Variants in SORL1 observed in about 807,000 individuals in gnomAD.
The protein encoded by SORL1 is sortilin-related receptor.
Under a neutral mutation model 273.7 loss-of-function variants are expected in SORL1, and 127 were observed. That is an observed-to-expected ratio of 0.46 (90% CI 0.40 to 0.54). SORL1 has a LOEUF of 0.54. SORL1 is among the 20% of genes least tolerant of loss of function. The pLI is 0.00. For missense variants in SORL1, 2,494 were observed against 2,846.1 expected (o/e 0.88, Z 2.81); for synonymous variants, 1,031 against 1,067.4 (o/e 0.97, Z 0.66).
chr11:121,499,729 C>G (rs1315670835), intron 6 of SORL1, among the ~76,000 whole-genome samples: 2 of 152,204 alleles, frequency 1.3e-5, no homozygotes, highest in African/African-American at 4.8e-5. Context: ...TTGAAACCTG[C>G]AAGTGTAACT....
chr11:121,464,330 C>G (rs777625672), intron 1 of SORL1, among the ~76,000 whole-genome samples: 1 of 152,192 alleles, frequency 6.6e-6, no homozygotes, highest in Non-Finnish European at 1.5e-5. Context: ...TTATTGGAAA[C>G]TTCTCATCAT....
Position 121,625,101 on chromosome 11 carries a change from T to A in SORL1, c.6188T>A (p.Met2063Lys). The stretch of plus-strand genomic sequence containing the variant: ...TGTTTTCAGGGCTATGAGATACACA[T>A]GTTTGATAGTGCCATGAATATCACA... ...FNESRGYEIH[M>K]FDSAMNITAY... is the part of the protein sequence containing the mutation. Residue 2063 changes from methionine (M) to lysine (K), a missense_variant, in exon 46 of 48, where the codon ATG becomes AAG. Coordinates refer to ENST00000260197, the MANE Select transcript of SORL1 (RefSeq NM_003105.6). 1 of 1,612,026 alleles carries A rather than the reference T, an allele frequency of 6.2e-7. No individual in the cohort carries two copies. Among genetic ancestry groups the A allele is most frequent in the Non-Finnish European group, 8.5e-7 (1 of 1,178,446 alleles).
At chr11:121,508,608 C>G (rs1047091626) in intron 6 of SORL1, among the ~76,000 whole-genome samples, 1 of 152,208 alleles carries the variant, frequency 6.6e-6, no homozygotes, top group African/African-American at 2.4e-5. Context: ...CCTATTCTGT[C>G]CTCTCCAGTG....
chr11:121,536,637 T>G (rs1429724974), intron 12 of SORL1, among the ~76,000 whole-genome samples: 1 of 151,508 alleles, frequency 6.6e-6, no homozygotes, highest in African/African-American at 2.4e-5. Context: ...TCATTTGAAC[T>G]CCTGAGTTCA....
chr11:121,452,610 C>A lies in SORL1; in HGVS notation c.279C>A (p.Tyr93Ter). 1 of 1,497,044 alleles carries A rather than the reference C, an allele frequency of 6.7e-7. No individual in the cohort carries two copies. The highest frequency in any genetic ancestry group is 1.3e-5 in the South Asian group (1 of 79,702). The allele number at this position is 1,497,044 out of a possible 1,614,324, so 92.7% of individuals were successfully genotyped here. Reference sequence around the variant, plus strand: ...TGCAGCCCGAGCCCATCAAGGTGTACGGACAGGTGAGCAGTTTTGCAACCC... The same window carrying A: ...TGCAGCCCGAGCCCATCAAGGTGTAAGGACAGGTGAGCAGTTTTGCAACCC... ...AALQPEPIKV[Y>*]GQVSLNDSHN... is the part of the protein sequence containing the mutation. Residue 93 changes from tyrosine (Y) to a stop codon, truncating the protein, a stop_gained, in exon 1 of 48, where the codon TAC (tyrosine) becomes TAA (stop). Transcript: ENST00000260197. LOFTEE classifies it high-confidence loss of function. The surrounding 1 kb of genome is among the most constrained non-coding windows in gnomAD (Gnocchi z 5.3).
chr11:121,618,237 T>A (rs867542100), intron 41 of SORL1, among the ~76,000 whole-genome samples: 1 of 152,202 alleles, frequency 6.6e-6, no homozygotes, highest in African/African-American at 2.4e-5. Flanking sequence ...GAACCAGAGT[T>A]CTGAGGAAGA....
rs761840557 is a variant in SORL1 at position 121,618,895 on chromosome 11, T to C, written c.5724+2T>C. 8.7e-6 allele frequency: 14 copies of C among 1,614,120 alleles called. No homozygotes were observed. The highest frequency in any genetic ancestry group is 1.2e-5 in the Non-Finnish European group (14 of 1,179,974). On this transcript the variant is annotated splice_donor_variant, in intron 42 of 47. Coordinates refer to ENST00000260197, the MANE Select transcript of SORL1 (RefSeq NM_003105.6). LOFTEE classifies it high-confidence loss of function. The stretch of plus-strand genomic sequence containing the variant: ...AAGGATGAGCAGTATTTGTTTCTGG[T>C]AAGTTTCCCATACCGTTTCAGTTTT...
chr11:121,526,774 A>C (rs1860345822), intron 11 of SORL1, among the ~76,000 whole-genome samples: 1 of 152,044 alleles, frequency 6.6e-6, no homozygotes, highest in African/African-American at 2.4e-5. Flanking sequence ...CTGATTTTTT[A>C]TATATTCATC....
rs1004960956 is a variant in SORL1, at chr11:121,607,185, G to A, written c.5062-1G>A. The A allele has an allele frequency of 6.3e-7, 1 of 1,586,580 alleles. No homozygotes were observed. Among genetic ancestry groups the A allele is most frequent in the Non-Finnish European group, 8.7e-7 (1 of 1,155,066 alleles). On this transcript the variant is annotated splice_acceptor_variant, in intron 36 of 47. Coordinates refer to ENST00000260197, the MANE Select transcript of SORL1 (RefSeq NM_003105.6). LOFTEE classifies it high-confidence loss of function. Reference sequence around the variant, plus strand: ...TCACATTTTTTTTCTTCTCCCTTTAGGTAGAATACAGCAGGAGTGGTTCCA... The same window carrying A: ...TCACATTTTTTTTCTTCTCCCTTTAAGTAGAATACAGCAGGAGTGGTTCCA...
Position 121,586,605 on chromosome 11 carries a change from T to C in SORL1, c.3814+276T>C, listed in dbSNP as rs191010883. ...AAGTTATTGTTTAGTTGAAATATGTTCTATTAATTGACCAGTTGTTTTGAA... is the reference window on the plus strand; with the variant it reads ...AAGTTATTGTTTAGTTGAAATATGTCCTATTAATTGACCAGTTGTTTTGAA... On this transcript the variant is annotated intron_variant, in intron 27 of 47. Coordinates refer to ENST00000260197, the MANE Select transcript of SORL1 (RefSeq NM_003105.6). Among the ~76,000 whole-genome samples, 7 of 142,964 alleles carry C rather than the reference T, an allele frequency of 4.9e-5. No individual in the cohort carries two copies. In the East Asian group the frequency reaches 1.1e-3, roughly 22 times the overall value. 93.8% of individuals were successfully genotyped at this position (142,964 alleles called of 152,430 possible).
At chr11:121,467,670 T>C (rs1861104339) in intron 1 of SORL1, among the ~76,000 whole-genome samples, 2 of 152,098 alleles carry the variant, frequency 1.3e-5, no homozygotes. Flanking sequence ...AGGGCACATG[T>C]GTTGTGAGTT....
At chr11:121,604,828 A>G (rs139565128) in intron 33 of SORL1, among the ~76,000 whole-genome samples, 1 of 152,284 alleles carries the variant, frequency 6.6e-6, no homozygotes, top group Non-Finnish European at 1.5e-5. Flanking sequence ...ATTTTCTGAG[A>G]TTTCTTTTCA....
chr11:121,525,554 G>A (rs1045717807), intron 11 of SORL1, among the ~76,000 whole-genome samples: 9 of 152,210 alleles, frequency 5.9e-5, no homozygotes, highest in Non-Finnish European at 1.3e-4. Context: ...AACAGTATGT[G>A]AGAATTTTAA....
At chr11:121,459,715 G>A (rs1318709399) in intron 1 of SORL1, among the ~76,000 whole-genome samples, 1 of 152,254 alleles carries the variant, frequency 6.6e-6, no homozygotes, top group African/African-American at 2.4e-5. Context: ...AATGAAAGAT[G>A]TAAACAGTGC....
In SORL1 at chr11:121,452,518, C is replaced by A; in HGVS notation, c.187C>A (p.Arg63Ser). ...GDPRELRLWARGDARGASRAD... is the reference protein window; with the variant it reads ...GDPRELRLWASGDARGASRAD... ...CCCGCGCGAGCTGCGGCTGTGGGCG[C>A]GCGGGGATGCCAGGGGGGCGAGCCG... Residue 63 changes from arginine to serine, a missense_variant, in exon 1 of 48, where the codon CGC becomes AGC. This residue lies in a region of SORL1 where 175 missense variants were observed against 147.1 expected (regional missense o/e 1.19). Coordinates refer to ENST00000260197, the MANE Select transcript of SORL1 (RefSeq NM_003105.6). This position sits in a 1 kb window ranked among gnomAD's most constrained non-coding sequence, Gnocchi z 5.3. The A allele has an allele frequency of 6.8e-7, 1 of 1,478,024 alleles. No individual in the cohort carries two copies. The highest frequency in any genetic ancestry group is 8.9e-7 in the Non-Finnish European group (1 of 1,119,300). The allele number at this position is 1,478,024 out of a possible 1,614,324, so 91.6% of individuals were successfully genotyped here. A position where few individuals can be genotyped will look rare whatever the true frequency, so the allele number is the denominator to read the frequency against.
intron 12 of SORL1, among the ~76,000 whole-genome samples, chr11:121,536,597 A>G (rs546038798): frequency 6.8e-6 from 1 of 146,726 alleles, no homozygotes; most frequent in African/African-American, 2.5e-5. Flanking sequence ...TTTGGTAGAG[A>G]CAGGTTTCGC....
Position 121,590,128 on chromosome 11 carries a change from C to T in SORL1, c.4167C>T (p.Asp1389=). 6.2e-7 allele frequency: 1 copy of T among 1,614,168 alleles called. No individual in the cohort carries two copies. Among genetic ancestry groups the T allele is most frequent in the Non-Finnish European group, 8.5e-7 (1 of 1,180,016 alleles). ...GHCIPNRWKC[D]RENDCGDWSD... The stretch of plus-strand genomic sequence containing the variant: ...GCATCCCCAACAGATGGAAATGTGA[C>T]AGGGAGAACGACTGTGGGGACTGGT... Residue 1389 remains aspartate (D), a synonymous_variant, in exon 30 of 48, where the codon GAC becomes GAT. Coordinates refer to ENST00000260197, the MANE Select transcript of SORL1 (RefSeq NM_003105.6).
At chr11:121,593,971 T>A (rs1863254177) in intron 31 of SORL1, among the ~76,000 whole-genome samples, 1 of 152,232 alleles carries the variant, frequency 6.6e-6, no homozygotes, top group Non-Finnish European at 1.5e-5. Context: ...TCTTAAAGTG[T>A]TTTAATTCTG....
chr11:121,621,270 C>A, intron 44 of SORL1, 32 bp downstream of exon 44: 1 of 1,593,110 alleles, frequency 6.3e-7, no homozygotes, highest in Non-Finnish European at 8.6e-7. Context: ...GGTCTTCTCA[C>A]ACAGCCTGCC....
Sources: gnomAD v4.1 joint callset for allele counts (sites outside exome capture counted in the v4.1 genomes callset) on GRCh38, gnomAD v4.1.1 for gene constraint, gnomAD v4.1.1 regional missense constraint, Gnocchi (gnomAD v3.1) non-coding constraint, MANE v1.5 for transcripts, NCBI Gene and HGNC (gene_info 2026-07-23, HGNC 2026-07-21) for gene names.